The following CNOT4 variants were observed in gnomAD, a reference collection of about 807,000 sequenced individuals.
CNOT4 encodes the protein CCR4-associated factor 4.
A neutral mutation model predicts 73.8 loss-of-function variants in CNOT4; 8 were observed. The observed-to-expected ratio is 0.11, with a 90% CI of 0.06 to 0.20. The LOEUF (loss-of-function observed/expected upper bound fraction) is 0.20. CNOT4 is among the 10% of genes least tolerant of loss of function. The pLI, the probability that CNOT4 is intolerant of heterozygous loss-of-function variation, is 1.00. For missense variants in CNOT4, 564 were observed against 883.4 expected (o/e 0.64, Z 4.58); for synonymous variants, 293 against 321.1 (o/e 0.91, Z 0.94).
chr7:135,455,992 C>G (rs1800506349), intron 1 of CNOT4, among the ~76,000 whole-genome samples: 1 of 152,106 alleles, frequency 6.6e-6, no homozygotes, highest in African/African-American at 2.4e-5. Context: ...AAAGTAAAAC[C>G]CCCATTTAAA....
intron 2 of CNOT4, among the ~76,000 whole-genome samples, chr7:135,423,080 A>C (rs1798278333): frequency 6.6e-6 from 1 of 152,198 alleles, no homozygotes; most frequent in African/African-American, 2.4e-5. Flanking sequence ...TTATTCACCT[A>C]TAAAGTGATT....
At chr7:135,453,963 C>T (rs1054910669) in intron 1 of CNOT4, among the ~76,000 whole-genome samples, 2 of 141,198 alleles carry the variant, frequency 1.4e-5, no homozygotes, top group African/African-American at 5.2e-5. Context: ...TATGGCGAAA[C>T]CCTATCTCTA....
chr7:135,499,970 A>C lies in CNOT4; in HGVS notation c.-93+9919T>G, dbSNP rs529827488. Among the ~76,000 whole-genome samples, 7 of 152,298 alleles carry C rather than the reference A, an allele frequency of 4.6e-5. No homozygotes were observed. The South Asian group carries it at 6.2e-4, about 14-fold the overall frequency. Reference sequence around the variant, plus strand: ...ATGAGGAAGTTTTAAAATGTCAAAAATATTTCTGTCATATTACTAGAATGA... The same window carrying C: ...ATGAGGAAGTTTTAAAATGTCAAAACTATTTCTGTCATATTACTAGAATGA... On this transcript the variant is annotated intron_variant, in intron 1 of 11. Coordinates refer to ENST00000541284, the MANE Select transcript of CNOT4 (RefSeq NM_001190850.2).
chr7:135,368,514 A>G (rs1039755326), intron 10 of CNOT4, among the ~76,000 whole-genome samples: 1 of 152,230 alleles, frequency 6.6e-6, no homozygotes, highest in Non-Finnish European at 1.5e-5. Flanking sequence ...CATCTGAAAA[A>G]GCAACAGAAG....
intron 7 of CNOT4, among the ~76,000 whole-genome samples, chr7:135,406,553 C>T (rs1411636699): frequency 2.0e-5 from 3 of 151,974 alleles, no homozygotes; most frequent in Non-Finnish European, 2.9e-5. Flanking sequence ...TTCAGCTATT[C>T]AGAAGGCTGA....
At chr7:135,472,331 G>A (rs1287363464) in intron 1 of CNOT4, among the ~76,000 whole-genome samples, 3 of 148,950 alleles carry the variant, frequency 2.0e-5, no homozygotes, top group Non-Finnish European at 4.5e-5. Context: ...CAAAAAATTA[G>A]CCAGGCGTGG....
intron 1 of CNOT4, among the ~76,000 whole-genome samples, chr7:135,485,551 A>G (rs577272164): frequency 1.2e-4 from 18 of 152,356 alleles, no homozygotes; most frequent in Admixed American, 5.2e-4. Flanking sequence ...AAAGAGACAT[A>G]TAGACTAATA....
chr7:135,435,190 A>C (rs1439764732), intron 2 of CNOT4, among the ~76,000 whole-genome samples: 4 of 152,202 alleles, frequency 2.6e-5, no homozygotes, highest in African/African-American at 7.2e-5. Flanking sequence ...TTATATAAAC[A>C]AACATTGATC....
At chr7:135,423,597 C>T (rs1165395563) in intron 2 of CNOT4, among the ~76,000 whole-genome samples, 1 of 152,042 alleles carries the variant, frequency 6.6e-6, no homozygotes, top group East Asian at 1.9e-4. Flanking sequence ...TCTCCAAGAA[C>T]CCTATTCTTT....
intron 1 of CNOT4, among the ~76,000 whole-genome samples, chr7:135,506,998 T>C (rs1804418854): frequency 6.6e-6 from 1 of 152,280 alleles, no homozygotes; most frequent in African/African-American, 2.4e-5. Context: ...GATTTCTAAA[T>C]CCAAACTGCT....
intron 2 of CNOT4, among the ~76,000 whole-genome samples, chr7:135,423,285 A>T (rs1467473825): frequency 6.6e-6 from 1 of 151,862 alleles, no homozygotes; most frequent in East Asian, 1.9e-4. Context: ...GATTCCAGGG[A>T]TGGAAACTCA....
At position 135,502,040 on chromosome 7, in the gene CNOT4, C is replaced by G. The variant is rs140512236; in HGVS notation, c.-93+7849G>C. ...CCCTCTCTGTTCTTGTTCTCTCACCCTCTCTTGCTCTTCTACCTTACACCA... is the reference window on the plus strand; with the variant it reads ...CCCTCTCTGTTCTTGTTCTCTCACCGTCTCTTGCTCTTCTACCTTACACCA... On this transcript the variant is annotated intron_variant, in intron 1 of 11. Transcript: ENST00000541284. 8.8e-3 allele frequency among the ~76,000 whole-genome samples: 1,335 copies of G among 152,248 alleles called. 22 individuals are homozygous for G. Among genetic ancestry groups the G allele is most frequent in the African/African-American group, 0.031 (1,272 of 41,512 alleles).
intron 7 of CNOT4, among the ~76,000 whole-genome samples, chr7:135,402,802 G>C (rs1797071739): frequency 6.6e-6 from 1 of 152,186 alleles, no homozygotes; most frequent in Non-Finnish European, 1.5e-5. Context: ...TAGATGTTCA[G>C]CCAAGTTTTG....
chr7:135,419,609 A>G lies in CNOT4; in HGVS notation c.372+2547T>C, dbSNP rs1007768898. On this transcript the variant is annotated intron_variant, in intron 3 of 11. Transcript: ENST00000541284. ...GAAAGAATTATTTCAAACATATAAAACTAGTAGAGTATATTTTTAAGTATA... is the reference window on the plus strand; with the variant it reads ...GAAAGAATTATTTCAAACATATAAAGCTAGTAGAGTATATTTTTAAGTATA... 7.2e-5 allele frequency among the ~76,000 whole-genome samples: 11 copies of G among 152,244 alleles called. No individual in the cohort carries two copies. The South Asian group carries it at 1.9e-3, about 26-fold the overall frequency.
chr7:135,451,091 G>T (rs568409062), intron 1 of CNOT4, among the ~76,000 whole-genome samples: 133 of 152,288 alleles, frequency 8.7e-4, no homozygotes, highest in African/African-American at 3.1e-3. Context: ...AGAAACAGTT[G>T]CACATCTGCA....
intron 1 of CNOT4, among the ~76,000 whole-genome samples, chr7:135,448,741 G>A (rs1224900307): frequency 6.6e-6 from 1 of 151,948 alleles, no homozygotes; most frequent in African/African-American, 2.4e-5. Context: ...CTCAGCAAAT[G>A]GACAATATCG....
chr7:135,385,122 A>T (rs1796057689), intron 10 of CNOT4, among the ~76,000 whole-genome samples: 1 of 152,170 alleles, frequency 6.6e-6, no homozygotes, highest in Non-Finnish European at 1.5e-5. Context: ...AACCGGTCCT[A>T]ATTGCAATCA....
chr7:135,462,832 C>A (rs776615944), intron 1 of CNOT4, among the ~76,000 whole-genome samples: 1 of 152,152 alleles, frequency 6.6e-6, no homozygotes, highest in Non-Finnish European at 1.5e-5. Context: ...CCTCTAAGAT[C>A]CCTCCCCATT....
intron 7 of CNOT4, among the ~76,000 whole-genome samples, chr7:135,405,366 A>AC (rs1797222615): frequency 6.6e-6 from 1 of 152,094 alleles, no homozygotes; most frequent in Non-Finnish European, 1.5e-5. Flanking sequence ...TGATCTGCAT[A>AC]CCCCACAATT....
Sources: gnomAD v4.1 joint callset for allele counts (sites outside exome capture counted in the v4.1 genomes callset) on GRCh38, gnomAD v4.1.1 for gene constraint, MANE v1.5 for transcripts, NCBI Gene and HGNC (gene_info 2026-07-23, HGNC 2026-07-21) for gene names.